The following SLCO1B1 variants were observed in gnomAD, a reference collection of about 807,000 sequenced individuals.
SLCO1B1 encodes the protein solute carrier organic anion transporter family member 1B1, also known as OATP-2.
SLCO1B1 carries 81 observed loss-of-function variants against 70.1 expected under a neutral mutation model. The observed-to-expected ratio is 1.16, with a 90% CI of 0.97 to 1.39. The LOEUF is 1.39. Among genes scored for constraint, SLCO1B1 ranks in the 40% most tolerant of loss-of-function variants. The pLI is 0.00. For missense variants in SLCO1B1, 895 were observed against 799.6 expected, an observed-to-expected ratio of 1.12 and a Z score of -1.44; for synonymous variants, 283 against 271.5, an observed-to-expected ratio of 1.04 and a Z score of -0.42.
chr12:21,179,667 C>T (rs993174302), intron 7 of SLCO1B1, among the ~76,000 whole-genome samples: 14 of 152,092 alleles, frequency 9.2e-5, no homozygotes, highest in Non-Finnish European at 1.5e-4. Context: ...TAAAAATATT[C>T]TTGCACCATA....
chr12:21,149,924 T>G (rs971929321), intron 2 of SLCO1B1, among the ~76,000 whole-genome samples: 2 of 152,070 alleles, frequency 1.3e-5, no homozygotes, highest in African/African-American at 4.8e-5. Context: ...CCCACCCCCA[T>G]AGAGCCCAGC....
At chr12:21,197,223 G>C (rs1565679530) in intron 8 of SLCO1B1, 35 bp downstream of exon 8, 1 of 1,608,534 alleles carries the variant, frequency 6.2e-7, no homozygotes, top group East Asian at 2.2e-5. Context: ...ATTTGGAGTT[G>C]TTAATCTCAA....
rs144871181 is a variant in SLCO1B1, at chr12:21,205,808, CTTCT to C, written c.1332-57_1332-54del. ...CACTTTACTTCTTCCTTCTCCTCCCCTTCTTTGTCTTTTTCTTCTCTCTCTCTCT... is the reference window on the plus strand; with the variant it reads ...CACTTTACTTCTTCCTTCTCCTCCCCTTGTCTTTTTCTTCTCTCTCTCTCT... On this transcript the variant is annotated intron_variant, in intron 10 of 14. Transcript: ENST00000256958. 4.2e-3 allele frequency: 5,421 copies of C among 1,285,034 alleles called. 140 individuals carry two copies. The highest frequency in any genetic ancestry group is 0.037 in the African/African-American group (2,509 of 67,506). The allele number at this position is 1,285,034 out of a possible 1,614,324, so 79.6% of individuals were successfully genotyped here. A position where few individuals can be genotyped will look rare whatever the true frequency, so the allele number is the denominator to read the frequency against.
intron 7 of SLCO1B1, among the ~76,000 whole-genome samples, chr12:21,185,450 A>G (rs971907809): frequency 2.0e-5 from 3 of 152,114 alleles, no homozygotes; most frequent in African/African-American, 7.2e-5. Context: ...TACCAAAAAG[A>G]TTTCTTAAAA....
chr12:21,215,705 A>G (rs955833935), intron 11 of SLCO1B1, among the ~76,000 whole-genome samples: 3 of 152,144 alleles, frequency 2.0e-5, no homozygotes, highest in Non-Finnish European at 4.4e-5. Context: ...TTTTGGTACC[A>G]GGATGATTCT....
intron 14 of SLCO1B1, among the ~76,000 whole-genome samples, chr12:21,229,946 T>C (rs1941517034): frequency 6.6e-6 from 1 of 152,182 alleles, no homozygotes; most frequent in African/African-American, 2.4e-5. Flanking sequence ...GTTCCTGACC[T>C]TAGTGGGAAG....
At chr12:21,226,135 C>A (rs984067883) in intron 14 of SLCO1B1, among the ~76,000 whole-genome samples, 14 of 152,152 alleles carry the variant, frequency 9.2e-5, no homozygotes, top group African/African-American at 3.4e-4. Flanking sequence ...AGCTTCTGGG[C>A]CTGGTGCAGT....
chr12:21,179,850 C>T (rs1024544821), intron 7 of SLCO1B1, among the ~76,000 whole-genome samples: 1 of 152,062 alleles, frequency 6.6e-6, no homozygotes, highest in Non-Finnish European at 1.5e-5. Context: ...TATGTAGATA[C>T]AGTTTTTTAT....
At chr12:21,156,529 T>A (rs1029399099) in intron 2 of SLCO1B1, among the ~76,000 whole-genome samples, 1 of 152,130 alleles carries the variant, frequency 6.6e-6, no homozygotes, top group African/African-American at 2.4e-5. Flanking sequence ...AGAGGTTTAT[T>A]TGGCTAAAGT....
intron 12 of SLCO1B1, among the ~76,000 whole-genome samples, chr12:21,218,491 A>G (rs989665888): frequency 6.6e-6 from 1 of 152,078 alleles, no homozygotes; most frequent in Non-Finnish European, 1.5e-5. Flanking sequence ...AACATTTGTT[A>G]ACATTAGTAT....
At chr12:21,210,815 T>C (rs1308418465) in intron 11 of SLCO1B1, among the ~76,000 whole-genome samples, 2 of 151,766 alleles carry the variant, frequency 1.3e-5, no homozygotes, top group South Asian at 2.1e-4. Context: ...TTATTCTCTT[T>C]AAAGCAATTG....
At chr12:21,225,950 A>G (rs926289049) in intron 14 of SLCO1B1, among the ~76,000 whole-genome samples, 1 of 152,242 alleles carries the variant, frequency 6.6e-6, no homozygotes, top group African/African-American at 2.4e-5. Context: ...GCACTTGCAT[A>G]TGAAAAAATG....
intron 2 of SLCO1B1, among the ~76,000 whole-genome samples, chr12:21,163,365 T>C (rs1940645798): frequency 6.6e-6 from 1 of 152,158 alleles, no homozygotes; most frequent in Non-Finnish European, 1.5e-5. Flanking sequence ...ATCTATGACT[T>C]AGTATTGATT....
intron 2 of SLCO1B1, among the ~76,000 whole-genome samples, chr12:21,156,177 C>T (rs1940540337): frequency 6.6e-6 from 1 of 151,718 alleles, no homozygotes; most frequent in Non-Finnish European, 1.5e-5. Flanking sequence ...TAATGGAGAC[C>T]TTTGAATGCT....
chr12:21,170,030 G>A (rs1015822725), intron 2 of SLCO1B1, among the ~76,000 whole-genome samples: 2 of 152,128 alleles, frequency 1.3e-5, no homozygotes, highest in Non-Finnish European at 2.9e-5. Flanking sequence ...GGGGCTTGAG[G>A]TACAGTGGCC....
chr12:21,154,031 T>C (rs1940507576), intron 2 of SLCO1B1, among the ~76,000 whole-genome samples: 1 of 151,830 alleles, frequency 6.6e-6, no homozygotes, highest in East Asian at 1.9e-4. Context: ...TTATGTTTAT[T>C]GTATCTATTG....
At chr12:21,166,170 A>AG (rs1940682334) in intron 2 of SLCO1B1, among the ~76,000 whole-genome samples, 1 of 152,170 alleles carries the variant, frequency 6.6e-6, no homozygotes, top group Non-Finnish European at 1.5e-5. Context: ...AAATTTGATA[A>AG]AATATATGAT....
intron 1 of SLCO1B1, among the ~76,000 whole-genome samples, chr12:21,131,914 G>C (rs917116636): frequency 6.6e-6 from 1 of 152,012 alleles, no homozygotes; most frequent in East Asian, 1.9e-4. Flanking sequence ...GTATACATGT[G>C]CCATGTTGGT....
At chr12:21,145,473 A>ATTTTTTTTTTTTTTTTT in intron 2 of SLCO1B1, among the ~76,000 whole-genome samples, 1 of 76,102 alleles carries the variant, frequency 1.3e-5, no homozygotes, top group Non-Finnish European at 2.2e-5. Context: ...CATTTTTTTC[A>ATTTTTTTTTTTTTTTTT]TTTTTTTTTT....
Sources: allele counts gnomAD v4.1 joint callset (sites outside exome capture counted in the v4.1 genomes callset), GRCh38; gene constraint gnomAD v4.1.1; transcripts MANE v1.5; gene names NCBI Gene and HGNC (gene_info 2026-07-23, HGNC 2026-07-21).